Variants in FGF14 observed in about 807,000 individuals in gnomAD.
FGF14 encodes fibroblast growth factor 14, also known as fibroblast growth factor homologous factor 4.
FGF14 carries 5 observed loss-of-function variants against 25.5 expected under a neutral mutation model. The ratio of observed to expected loss-of-function variants is 0.20; its 90% CI spans 0.10 to 0.41. FGF14 has a LOEUF of 0.41. Ranked by LOEUF, FGF14 falls within the 10% of genes least tolerant of loss-of-function variation. The pLI is 1.00. For missense variants in FGF14, 222 were observed against 320.1 expected (o/e 0.69, Z 2.34); for synonymous variants, 138 against 118.3 (o/e 1.17, Z -1.08).
At chr13:101,938,284 C>A (rs1566464777) in intron 1 of FGF14, among the ~76,000 whole-genome samples, 5 of 152,138 alleles carry the variant, frequency 3.3e-5, no homozygotes, top group Non-Finnish European at 4.4e-5. Context: ...ACAACAACAA[C>A]AAAAAAAATC....
At chr13:102,117,706 C>G (rs1370621492) in intron 1 of FGF14, among the ~76,000 whole-genome samples, 1 of 152,060 alleles carries the variant, frequency 6.6e-6, no homozygotes, top group Non-Finnish European at 1.5e-5. Flanking sequence ...TTGGAATGAT[C>G]CCAAGGATAA....
intron 1 of FGF14, among the ~76,000 whole-genome samples, chr13:101,963,554 C>G (rs2037000916): frequency 6.6e-6 from 1 of 152,140 alleles, no homozygotes. Flanking sequence ...CAGTAGAAAT[C>G]AAAATATGCA....
intron 1 of FGF14, among the ~76,000 whole-genome samples, chr13:102,106,108 T>C (rs1449485803): frequency 6.6e-6 from 1 of 152,148 alleles, no homozygotes; most frequent in Non-Finnish European, 1.5e-5. Context: ...CTAGAAAAAA[T>C]ATTATTCCCA....
At chr13:101,860,320 A>T (rs1242805171) in intron 3 of FGF14, among the ~76,000 whole-genome samples, 1 of 152,096 alleles carries the variant, frequency 6.6e-6, no homozygotes, top group Non-Finnish European at 1.5e-5. Context: ...GACCACAACC[A>T]GAAGTTTTCT....
At chr13:101,899,055 A>G (rs529303108) in intron 1 of FGF14, among the ~76,000 whole-genome samples, 1 of 152,332 alleles carries the variant, frequency 6.6e-6, no homozygotes, top group South Asian at 2.1e-4. Flanking sequence ...GTAAACATCC[A>G]GGTTTTCAGT....
intron 1 of FGF14, among the ~76,000 whole-genome samples, chr13:102,037,049 T>A (rs1340571661): frequency 6.6e-6 from 1 of 152,154 alleles, no homozygotes; most frequent in East Asian, 1.9e-4. Context: ...TGTTCATCAG[T>A]GCACAATTGG....
intron 1 of FGF14, among the ~76,000 whole-genome samples, chr13:102,088,720 A>G (rs4772443): frequency 0.39 from 59,103 of 151,976 alleles, 13,499 homozygotes; most frequent in Non-Finnish European, 0.51. Context: ...ATCTAATCTA[A>G]TAATTTTTCA....
At chr13:102,325,663 C>T (rs2056401828) in intron 1 of FGF14, among the ~76,000 whole-genome samples, 1 of 152,174 alleles carries the variant, frequency 6.6e-6, no homozygotes, top group African/African-American at 2.4e-5. Context: ...TTTTAGTAAT[C>T]CTGATCCCAG....
chr13:102,200,980 T>C (rs1203748085), intron 1 of FGF14, among the ~76,000 whole-genome samples: 1 of 151,742 alleles, frequency 6.6e-6, no homozygotes, highest in Non-Finnish European at 1.5e-5. Context: ...GGGGCGCCTG[T>C]AGTCCCAGCT....
intron 1 of FGF14, among the ~76,000 whole-genome samples, chr13:102,135,906 T>C (rs555345351): frequency 6.6e-6 from 1 of 152,218 alleles, no homozygotes; most frequent in South Asian, 2.1e-4. Flanking sequence ...TCTACTCACC[T>C]TGGCCTCCCA....
intron 3 of FGF14, among the ~76,000 whole-genome samples, chr13:101,735,382 A>G (rs1480793340): frequency 1.3e-5 from 2 of 152,202 alleles, no homozygotes; most frequent in Non-Finnish European, 2.9e-5. Flanking sequence ...TACAGATAAA[A>G]AAATATATAG....
At chr13:102,227,430 G>A (rs921275472) in intron 1 of FGF14, among the ~76,000 whole-genome samples, 3 of 151,852 alleles carry the variant, frequency 2.0e-5, no homozygotes, top group African/African-American at 7.3e-5. Context: ...TTAATACTGG[G>A]TCTTCCTCTC....
rs76338767 is a variant in FGF14, at chr13:101,825,497, A to G, written c.408+43228T>C. ...CCATTAATTTTATCTCTACATTTTC[A>G]ATCTTTGCCGATTATTAAGAAATCT... On this transcript the variant is annotated intron_variant, in intron 3 of 4. Coordinates refer to ENST00000376143, the MANE Select transcript of FGF14 (RefSeq NM_004115.4). Among the ~76,000 whole-genome samples the G allele has an allele frequency of 3.8e-3, 581 of 152,302 alleles. 3 individuals carry two copies. The highest frequency in any genetic ancestry group is 5.4e-3 in the Non-Finnish European group (367 of 68,024).
At chr13:102,206,138 C>CACACAG (rs1407492249) in intron 1 of FGF14, among the ~76,000 whole-genome samples, 1 of 150,652 alleles carries the variant, frequency 6.6e-6, no homozygotes, top group Non-Finnish European at 1.5e-5. Flanking sequence ...AACACACACA[C>CACACAG]ACACACACAC....
At chr13:102,024,986 C>T (rs2040851701) in intron 1 of FGF14, among the ~76,000 whole-genome samples, 1 of 150,560 alleles carries the variant, frequency 6.6e-6, no homozygotes. Flanking sequence ...TATATATACA[C>T]ACACACATAT....
At chr13:101,912,130 A>T (rs1355399050) in intron 1 of FGF14, among the ~76,000 whole-genome samples, 2 of 152,042 alleles carry the variant, frequency 1.3e-5, no homozygotes, top group Non-Finnish European at 2.9e-5. Context: ...GGATTTCACT[A>T]TCACACTGGA....
chr13:102,357,732 T>C (rs996324399), intron 1 of FGF14, among the ~76,000 whole-genome samples: 9 of 152,228 alleles, frequency 5.9e-5, no homozygotes, highest in African/African-American at 2.2e-4. Flanking sequence ...GTTCAATAAA[T>C]GTCACTTTTT....
chr13:101,960,718 T>G (rs2036799636), intron 1 of FGF14, among the ~76,000 whole-genome samples: 1 of 152,212 alleles, frequency 6.6e-6, no homozygotes, highest in African/African-American at 2.4e-5. Context: ...AGTAATGGGA[T>G]TGCCAGGTCA....
intron 1 of FGF14, among the ~76,000 whole-genome samples, chr13:102,141,287 C>G (rs972569734): frequency 6.6e-6 from 1 of 152,102 alleles, no homozygotes; most frequent in African/African-American, 2.4e-5. Context: ...GGTTGTACAC[C>G]CAGTAGATGT....
Sources: allele counts gnomAD v4.1 joint callset (sites outside exome capture counted in the v4.1 genomes callset), GRCh38; gene constraint gnomAD v4.1.1; transcripts MANE v1.5; gene names NCBI Gene and HGNC (gene_info 2026-07-23, HGNC 2026-07-21).